CMIP: variants seen among roughly 807,000 people sequenced by gnomAD.
CMIP encodes C-Maf-inducing protein.
Under a neutral mutation model 97.3 loss-of-function variants are expected in CMIP, and 13 were observed. The ratio of observed to expected loss-of-function variants is 0.13; its 90% CI spans 0.09 to 0.21. The LOEUF (loss-of-function observed/expected upper bound fraction) is 0.21, where lower values mean the gene tolerates loss of function less well. CMIP is among the 10% of genes least tolerant of loss of function. The pLI, the probability that CMIP is intolerant of heterozygous loss-of-function variation, is 1.00. For missense variants in CMIP, 847 were observed against 1,024.9 expected, an observed-to-expected ratio of 0.83 and a Z score of 2.37; for synonymous variants, 538 against 436.3, an observed-to-expected ratio of 1.23 and a Z score of -2.91.
intron 1 of CMIP, among the ~76,000 whole-genome samples, chr16:81,521,381 C>G (rs1042215887): frequency 6.6e-6 from 1 of 152,030 alleles, no homozygotes; most frequent in Admixed American, 6.5e-5. Context: ...TTTGCCACCC[C>G]CCCCCGAATA....
chr16:81,515,666 G>A (rs971704660), intron 1 of CMIP, among the ~76,000 whole-genome samples: 11 of 152,170 alleles, frequency 7.2e-5, no homozygotes, highest in Non-Finnish European at 1.5e-4. Flanking sequence ...TGCACCAGGC[G>A]CTATTCTAAG....
At chr16:81,573,105 A>G (rs1337248354) in intron 1 of CMIP, among the ~76,000 whole-genome samples, 1 of 152,244 alleles carries the variant, frequency 6.6e-6, no homozygotes, top group Non-Finnish European at 1.5e-5. Context: ...GCACTTCGGG[A>G]GGCCGAGGCA....
At chr16:81,680,184 G>T (rs1035823402) in intron 10 of CMIP, among the ~76,000 whole-genome samples, 2 of 152,262 alleles carry the variant, frequency 1.3e-5, no homozygotes, top group South Asian at 4.1e-4. Context: ...GGTGCCTGGG[G>T]TGTTGTCTGT....
chr16:81,519,553 G>T (rs991150872), intron 1 of CMIP: 8 of 152,282 alleles, frequency 5.3e-5, no homozygotes, highest in Non-Finnish European at 1.0e-4. Context: ...GAAGGACCTT[G>T]ACTGAGACCA....
At chr16:81,459,418 C>T (rs1272380169) in intron 1 of CMIP, among the ~76,000 whole-genome samples, 1 of 152,132 alleles carries the variant, frequency 6.6e-6, no homozygotes, top group African/African-American at 2.4e-5. Context: ...TGACCTCAGG[C>T]ACCATTATTT....
At chr16:81,490,556 G>A (rs1196072506) in intron 1 of CMIP, among the ~76,000 whole-genome samples, 1 of 152,190 alleles carries the variant, frequency 6.6e-6, no homozygotes, top group African/African-American at 2.4e-5. Context: ...AGAGGTGGAG[G>A]TTGCAGTGAG....
chr16:81,637,338 G>A (rs555046779), intron 3 of CMIP, among the ~76,000 whole-genome samples: 1 of 152,292 alleles, frequency 6.6e-6, no homozygotes, highest in South Asian at 2.1e-4. Context: ...CACCTGAAGT[G>A]CTGGGATTAC....
At chr16:81,600,068 C>A (rs1311253342) in intron 1 of CMIP, among the ~76,000 whole-genome samples, 1 of 151,838 alleles carries the variant, frequency 6.6e-6, no homozygotes, top group African/African-American at 2.4e-5. Flanking sequence ...ATCACAAGGT[C>A]AGGAGTTCAA....
At chr16:81,485,904 A>G (rs1325933618) in intron 1 of CMIP, among the ~76,000 whole-genome samples, 2 of 152,130 alleles carry the variant, frequency 1.3e-5, no homozygotes, top group Non-Finnish European at 2.9e-5. Context: ...AGGTGGGAGT[A>G]CCCAGCTCTC....
chr16:81,580,831 T>G (rs2091284413), intron 1 of CMIP, among the ~76,000 whole-genome samples: 1 of 152,092 alleles, frequency 6.6e-6, no homozygotes, highest in East Asian at 1.9e-4. Flanking sequence ...TTCAGCGGCC[T>G]TTAGCAAATT....
chr16:81,544,007 C>A (rs529039382), intron 1 of CMIP, among the ~76,000 whole-genome samples: 1 of 152,370 alleles, frequency 6.6e-6, no homozygotes, highest in East Asian at 1.9e-4. Context: ...TTGCATCCAC[C>A]TGGCATGAGA....
intron 1 of CMIP, among the ~76,000 whole-genome samples, chr16:81,553,914 T>C (rs930500667): frequency 2.0e-5 from 3 of 152,226 alleles, no homozygotes; most frequent in African/African-American, 7.2e-5. Context: ...CCACATTCTT[T>C]GGTGGTCTAA....
chr16:81,573,847 G>A (rs1262567748), intron 1 of CMIP, among the ~76,000 whole-genome samples: 2 of 152,216 alleles, frequency 1.3e-5, no homozygotes, highest in African/African-American at 2.4e-5. Flanking sequence ...AGAGGCAGTT[G>A]TTCAAGAATG....
intron 1 of CMIP, among the ~76,000 whole-genome samples, chr16:81,505,275 G>T (rs1237877720): frequency 1.3e-5 from 2 of 152,226 alleles, no homozygotes; most frequent in African/African-American, 4.8e-5. Flanking sequence ...GGTGAAGAGG[G>T]AAGGGAAGTG....
At chr16:81,607,807 T>G in intron 2 of CMIP, 115 bp downstream of exon 2, 2 of 1,181,766 alleles carry the variant, frequency 1.7e-6, no homozygotes, top group African/African-American at 1.5e-5. Flanking sequence ...TGTTTAACTT[T>G]GGGTGATTTT....
At chr16:81,702,534 G>T in intron 16 of CMIP, 88 bp from the exon 17 acceptor site, 1 of 1,304,278 alleles carries the variant, frequency 7.7e-7, no homozygotes, top group African/African-American at 1.5e-5. Context: ...AATAACGATG[G>T]CTCCATGAGT....
intron 1 of CMIP, among the ~76,000 whole-genome samples, chr16:81,513,426 G>A (rs964503289): frequency 3.3e-5 from 5 of 152,258 alleles, no homozygotes; most frequent in Admixed American, 6.5e-5. Flanking sequence ...TGACAGGACT[G>A]CAAGCTGATC....
In CMIP at chr16:81,452,884, T is replaced by A. The variant is rs1906312679; in HGVS notation, c.300+7343T>A. Among the ~76,000 whole-genome samples the A allele has an allele frequency of 8.6e-5, 7 of 81,266 alleles. No individual in the cohort carries two copies. The Admixed American group carries it at 9.0e-4, about 10-fold the overall frequency. The allele number at this position is 81,266 out of a possible 152,430, so 53.3% of individuals were successfully genotyped here. ...TTTTTCTTTTGTTTTTTTTTTGTTT[T>A]GTTTTTTTTTTTTTTTTTTTGCAAA... On this transcript the variant is annotated intron_variant, in intron 1 of 20. Transcript: ENST00000537098.
intron 13 of CMIP, among the ~76,000 whole-genome samples, chr16:81,694,266 G>C (rs1906446039): frequency 6.6e-6 from 1 of 152,218 alleles, no homozygotes. Flanking sequence ...TTCTCTGTGT[G>C]CATGAGTTCT....
Sources: gnomAD v4.1 joint callset for allele counts (sites outside exome capture counted in the v4.1 genomes callset) on GRCh38, gnomAD v4.1.1 for gene constraint, MANE v1.5 for transcripts, NCBI Gene and HGNC (gene_info 2026-07-23, HGNC 2026-07-21) for gene names.